XRN1: variants seen among roughly 807,000 people sequenced by gnomAD.
The protein encoded by XRN1 is 5'-3' exoribonuclease 1.
Under a neutral mutation model 222.3 loss-of-function variants are expected in XRN1, and 67 were observed. The observed-to-expected ratio is 0.30, with a 90% confidence interval of 0.25 to 0.37. XRN1 has a LOEUF of 0.37. Ranked by LOEUF, XRN1 falls within the 10% of genes least tolerant of loss-of-function variation. XRN1 has a pLI of 1.00. For synonymous variants in XRN1, 643 were observed against 652.4 expected, an observed-to-expected ratio of 0.99 and a Z score of 0.22; for missense variants, 1,707 against 2,000.2, an observed-to-expected ratio of 0.85 and a Z score of 2.80.
At position 142,421,369 on chromosome 3, in the gene XRN1, C is replaced by T. The variant is rs2069025622; in HGVS notation, c.1035+107G>A. 4 of 952,498 alleles carry T rather than the reference C, an allele frequency of 4.2e-6. No homozygotes were observed. The African/African-American group carries it at 6.8e-5, about 16-fold the overall frequency. 59.0% of individuals were successfully genotyped at this position (952,498 alleles called of 1,614,324 possible). A position where few individuals can be genotyped will look rare whatever the true frequency, so the allele number is the denominator to read the frequency against. Reference sequence around the variant, plus strand: ...GGTAAAAGTGTTTATATTGAATAAGCAATTGGAATAGAATTATAAAACCCC... The same window carrying T: ...GGTAAAAGTGTTTATATTGAATAAGTAATTGGAATAGAATTATAAAACCCC... On this transcript the variant is annotated intron_variant, in intron 9 of 40. Transcript: ENST00000392981.
rs567430936 is a variant in XRN1 at position 142,421,006 on chromosome 3, A to C, written c.1173+10T>G. On this transcript the variant is annotated intron_variant, in intron 10 of 40. Coordinates refer to ENST00000392981, the MANE Select transcript of XRN1 (RefSeq NM_001282857.2). Reference sequence around the variant, plus strand: ...TAAAACAATGAAAGGACACCTAAAAAAATAGACACCTTTAACTTTTTCTTT... The same window carrying C: ...TAAAACAATGAAAGGACACCTAAAACAATAGACACCTTTAACTTTTTCTTT... 1.8e-5 allele frequency: 29 copies of C among 1,613,506 alleles called. No homozygotes were observed. The East Asian group carries it at 6.0e-4, about 34-fold the overall frequency.
chr3:142,396,587 T>C (rs1424132895), intron 20 of XRN1, among the ~76,000 whole-genome samples: 1 of 152,164 alleles, frequency 6.6e-6, no homozygotes, highest in Non-Finnish European at 1.5e-5. Flanking sequence ...TTTTTCATGG[T>C]CTTTGAACGT....
chr3:142,332,913 A>G, intron 35 of XRN1, 54 bp downstream of exon 35: 1 of 1,599,762 alleles, frequency 6.3e-7, no homozygotes, highest in South Asian at 1.1e-5. Flanking sequence ...ATATGTCTGC[A>G]TGGTCAACAG....
chr3:142,396,479 G>T (rs1388272815), intron 20 of XRN1, among the ~76,000 whole-genome samples: 1 of 152,176 alleles, frequency 6.6e-6, no homozygotes, highest in Non-Finnish European at 1.5e-5. Flanking sequence ...AACTTAGAAT[G>T]ATATAAACTA....
At chr3:142,403,297 T>C (rs2068215580) in intron 18 of XRN1, among the ~76,000 whole-genome samples, 1 of 152,184 alleles carries the variant, frequency 6.6e-6, no homozygotes, top group Non-Finnish European at 1.5e-5. Flanking sequence ...CAATAATATA[T>C]GACATTTTTG....
At position 142,412,571 on chromosome 3, in the gene XRN1, A is replaced by G; in HGVS notation, c.1686T>C (p.Ala562=). The change falls in exon 15 of 41, where the codon GCT becomes GCC. Residue 562 remains alanine (A), a synonymous_variant. Transcript: ENST00000392981. ...DLNGKQQEWE[A]VVLIPFIDEK... Reference sequence around the variant, plus strand: ...CATCAATAAAAGGGATTAACACCACAGCTTCCCATTCCTGTTGTTTCCCAT... The same window carrying G: ...CATCAATAAAAGGGATTAACACCACGGCTTCCCATTCCTGTTGTTTCCCAT... The G allele has an allele frequency of 6.2e-7, 1 of 1,608,102 alleles. No individual in the cohort carries two copies. The highest frequency in any genetic ancestry group is 8.5e-7 in the Non-Finnish European group (1 of 1,176,050).
In XRN1 at chr3:142,311,077, T is replaced by G. The variant is rs16852263; in HGVS notation, c.*434A>C. ...AAAATCCACATTCAGTAAGTTATAC[T>G]GGAGGCCCAAATTTCATGCTCCATG... is the stretch of plus-strand genomic sequence containing the variant. On this transcript the variant is annotated 3_prime_UTR_variant, in exon 41 of 41. Transcript: ENST00000392981. The G allele has an allele frequency of 1.3e-5, 2 of 153,244 alleles. No individual in the cohort carries two copies. Among genetic ancestry groups the G allele is most frequent in the African/African-American group, 4.8e-5 (2 of 41,440 alleles). 9.5% of individuals were successfully genotyped at this position (153,244 alleles called of 1,614,324 possible).
intron 29 of XRN1, among the ~76,000 whole-genome samples, chr3:142,363,419 A>G (rs2107856678): frequency 6.6e-6 from 1 of 152,290 alleles, no homozygotes; most frequent in South Asian, 2.1e-4. Flanking sequence ...CTTCTTCATC[A>G]AATTATCCTG....
intron 13 of XRN1, 189 bp from the exon 14 acceptor site, chr3:142,414,480 A>G (rs2068709376): frequency 9.8e-6 from 4 of 408,206 alleles, no homozygotes; most frequent in Non-Finnish European, 1.6e-5. Context: ...GATGGCAACA[A>G]ATGTTACATT....
chr3:142,423,876 C>T (rs1317659318), intron 5 of XRN1, among the ~76,000 whole-genome samples: 1 of 152,028 alleles, frequency 6.6e-6, no homozygotes, highest in Non-Finnish European at 1.5e-5. Context: ...TTACCCTATC[C>T]CCTGTCCCCT....
intron 15 of XRN1, 134 bp from the exon 16 acceptor site, chr3:142,405,210 T>A: frequency 2.7e-6 from 2 of 744,740 alleles, no homozygotes; most frequent in Non-Finnish European, 2.2e-6. Context: ...AAATCTTAAC[T>A]AATGAAACTC....
At chr3:142,332,570 T>C (rs747990129) in intron 35 of XRN1, 36 bp from the exon 36 acceptor site, 16 of 1,560,984 alleles carry the variant, frequency 1.0e-5, no homozygotes, top group Non-Finnish European at 1.4e-5. Context: ...ATGGTGAGGG[T>C]GAAGAGAACA....
rs754601371 is a variant in XRN1 at position 142,421,489 on chromosome 3, A to T, written c.1022T>A (p.Val341Glu). 5.0e-6 allele frequency: 8 copies of T among 1,608,810 alleles called. No homozygotes were observed. Among genetic ancestry groups the T allele is most frequent in the Non-Finnish European group, 5.9e-6 (7 of 1,177,762 alleles). The stretch of plus-strand genomic sequence containing the variant: ...CTAGTTACTTACATCTGATAGTTTC[A>T]CAAGGTATTTCTCAAATCGAGGTAA... ...LNLPRFEKYL[V>E]KLSDFDREHF... The change falls in exon 9 of 41, where the codon GTG (valine) becomes GAG (glutamate). Residue 341 changes from valine (V) to glutamate (E), a missense_variant. Transcript: ENST00000392981.
intron 8 of XRN1, 68 bp from the exon 9 acceptor site, chr3:142,421,611 C>T (rs2069037656): frequency 1.7e-6 from 2 of 1,178,800 alleles, no homozygotes; most frequent in African/African-American, 1.5e-5. Flanking sequence ...CTACAAAACT[C>T]TTTCTACAAA....
intron 20 of XRN1, among the ~76,000 whole-genome samples, chr3:142,396,020 T>C (rs1433019650): frequency 6.6e-6 from 1 of 152,238 alleles, no homozygotes; most frequent in African/African-American, 2.4e-5. Flanking sequence ...CTCAGAGCAC[T>C]ACTCCTTCAA....
At chr3:142,327,146 TC>T (rs1423146411) in intron 37 of XRN1, among the ~76,000 whole-genome samples, 2 of 152,152 alleles carry the variant, frequency 1.3e-5, no homozygotes, top group African/African-American at 4.8e-5. Flanking sequence ...TATTTTCTCC[TC>T]CTCAAGTTTT....
At chr3:142,426,254 C>T (rs878953168) in intron 3 of XRN1, among the ~76,000 whole-genome samples, 1 of 152,068 alleles carries the variant, frequency 6.6e-6, no homozygotes, top group Non-Finnish European at 1.5e-5. Context: ...CTGCTGCATA[C>T]AAAATTAAAC....
chr3:142,420,516 TG>T lies in XRN1; in HGVS notation c.1173+499del, dbSNP rs374985269. On this transcript the variant is annotated intron_variant, in intron 10 of 40. Coordinates refer to ENST00000392981, the MANE Select transcript of XRN1 (RefSeq NM_001282857.2). ...CCTCCCAAGTAGCTGGGATTACAGGTGTGTGCCACCACATCCAACTAATTTC... is the reference window on the plus strand; with the variant it reads ...CCTCCCAAGTAGCTGGGATTACAGGTTGTGCCACCACATCCAACTAATTTC... 761 of 159,156 alleles carry T rather than the reference TG, an allele frequency of 4.8e-3. 9 individuals are homozygous for T. The highest frequency in any genetic ancestry group is 0.018 in the African/African-American group (738 of 41,568). 9.9% of individuals were successfully genotyped at this position (159,156 alleles called of 1,614,324 possible).
intron 32 of XRN1, among the ~76,000 whole-genome samples, chr3:142,353,274 G>A (rs1033443943): frequency 4.6e-5 from 7 of 151,934 alleles, no homozygotes; most frequent in African/African-American, 1.5e-4. Flanking sequence ...CTATACTCTC[G>A]ACTCATTGGT....
Sources: allele counts gnomAD v4.1 joint callset (sites outside exome capture counted in the v4.1 genomes callset), GRCh38; gene constraint gnomAD v4.1.1; transcripts MANE v1.5; gene names NCBI Gene and HGNC (gene_info 2026-07-23, HGNC 2026-07-21).